MALT1: variants seen among roughly 807,000 people sequenced by gnomAD.
MALT1 encodes MALT1 paracaspase.
In MALT1, 36 loss-of-function variants were observed where a neutral mutation model predicts 85.5. The ratio of observed to expected loss-of-function variants is 0.42; its 90% CI spans 0.32 to 0.56. The LOEUF (loss-of-function observed/expected upper bound fraction) is 0.56, where lower values mean the gene tolerates loss of function less well. MALT1 is among the 20% of genes least tolerant of loss of function. The probability of loss-of-function intolerance (pLI) is 0.10; values close to 1 mark genes in which losing one functional copy is unlikely to be tolerated. For missense variants in MALT1, 716 were observed against 981.6 expected, an observed-to-expected ratio of 0.73 and a Z score of 3.62; for synonymous variants, 359 against 361.3, an observed-to-expected ratio of 0.99 and a Z score of 0.07.
Position 58,741,974 on chromosome 18 carries a change from TGAATCTCTTGTGCG to T in MALT1, c.1720_1733del (p.Leu574ThrfsTer7). 6.4e-7 allele frequency: 1 copy of T among 1,552,520 alleles called. No homozygotes were observed. The highest frequency in any genetic ancestry group is 8.8e-7 in the Non-Finnish European group (1 of 1,135,750). On this transcript the variant is annotated frameshift_variant, in exon 14 of 17. Coordinates refer to ENST00000649217, the MANE Select transcript of MALT1 (RefSeq NM_006785.4). LOFTEE classifies it high-confidence loss of function. ...CAATACAGGGAACAGAATATTCTGC[TGAATCTCTTGTGCG>T]GAATCTACAGTGGGCCAAGGCTCAT...
intron 13 of MALT1, among the ~76,000 whole-genome samples, chr18:58,738,066 A>G (rs1243173144): frequency 6.6e-6 from 1 of 152,208 alleles, no homozygotes; most frequent in African/African-American, 2.4e-5. Flanking sequence ...CGATATGAAT[A>G]TAGGACCTTG....
At chr18:58,723,612 G>A (rs1348097525) in intron 10 of MALT1, among the ~76,000 whole-genome samples, 1 of 151,956 alleles carries the variant, frequency 6.6e-6, no homozygotes, top group Non-Finnish European at 1.5e-5. Context: ...TTTTCTTTGA[G>A]GGGGGTAGCA....
intron 4 of MALT1, among the ~76,000 whole-genome samples, chr18:58,704,584 G>A (rs1460758176): frequency 6.6e-6 from 1 of 152,134 alleles, no homozygotes; most frequent in East Asian, 1.9e-4. Flanking sequence ...AGCCTCCTGA[G>A]TAACTGGGAC....
chr18:58,733,908 G>T, intron 11 of MALT1: 1 of 1,147,364 alleles, frequency 8.7e-7, no homozygotes, highest in Non-Finnish European at 1.1e-6. Flanking sequence ...CACCCATGGA[G>T]TTGGGATCTC....
At chr18:58,745,615 G>A (rs1258030892) in intron 15 of MALT1, 51 bp from the exon 16 acceptor site, 7 of 1,506,640 alleles carry the variant, frequency 4.6e-6, no homozygotes, top group East Asian at 2.3e-5. Context: ...AGATTATATT[G>A]TGGCTTTCAT....
chr18:58,697,699 G>A (rs1458910675), intron 3 of MALT1, among the ~76,000 whole-genome samples: 1 of 152,152 alleles, frequency 6.6e-6, no homozygotes, highest in Non-Finnish European at 1.5e-5. Flanking sequence ...AGAAATGTAG[G>A]GGATGGAAAA....
rs1381175210 is a variant in MALT1 at position 58,696,584 on chromosome 18, TA to T, written c.498+101del. The T allele has an allele frequency of 1.4e-5, 14 of 1,018,324 alleles. No individual in the cohort carries two copies. In the African/African-American group the frequency reaches 2.3e-4, roughly 17 times the overall value. 63.1% of individuals were successfully genotyped at this position (1,018,324 alleles called of 1,614,324 possible). A position where few individuals can be genotyped will look rare whatever the true frequency, so the allele number is the denominator to read the frequency against. ...CCTAAATGTAGTTTTAACAGTTTGG[TA>T]AAAGAGTCTGATAGACATTGCTAGG... On this transcript the variant is annotated intron_variant, in intron 3 of 16. Coordinates refer to ENST00000649217, the MANE Select transcript of MALT1 (RefSeq NM_006785.4).
Position 58,688,048 on chromosome 18 carries a change from C to T in MALT1, c.376+6712C>T, listed in dbSNP as rs111903567. ...CATTTGTATGCCTTCGTACAGCCTA[C>T]GTAGCACTATACCATATTCTTTTTT... On this transcript the variant is annotated intron_variant, in intron 2 of 16. Transcript: ENST00000649217. Among the ~76,000 whole-genome samples the T allele has an allele frequency of 7.2e-3, 1,093 of 152,298 alleles. 15 individuals carry two copies. The highest frequency in any genetic ancestry group is 0.025 in the African/African-American group (1,039 of 41,548).
chr18:58,735,874 A>G (rs2055215267), intron 13 of MALT1, among the ~76,000 whole-genome samples: 1 of 152,152 alleles, frequency 6.6e-6, no homozygotes, highest in African/African-American at 2.4e-5. Flanking sequence ...TTCCATTTCT[A>G]TCTGTTCTCC....
chr18:58,675,577 A>G (rs1184751634), intron 1 of MALT1: 1 of 152,210 alleles, frequency 6.6e-6, no homozygotes, highest in East Asian at 1.9e-4. Context: ...ATTATTATTG[A>G]AATTCATTCA....
At chr18:58,738,537 A>G (rs911641764) in intron 13 of MALT1, among the ~76,000 whole-genome samples, 2 of 152,172 alleles carry the variant, frequency 1.3e-5, no homozygotes, top group Non-Finnish European at 2.9e-5. Flanking sequence ...ATAGGGTGTG[A>G]CAGTATTCCA....
chr18:58,707,911 A>C (rs1308977778), intron 4 of MALT1, among the ~76,000 whole-genome samples: 1 of 152,134 alleles, frequency 6.6e-6, no homozygotes, highest in East Asian at 1.9e-4. Context: ...GAAGACTAGA[A>C]ATCTCTGTTT....
chr18:58,748,088 G>T lies in MALT1; in HGVS notation c.*246G>T, dbSNP rs1261736285. The stretch of plus-strand genomic sequence containing the variant: ...ACAAATGAAGTATGGAGGTGTGTAT[G>T]TTTATATGTATATAACAAAATATTT... On this transcript the variant is annotated 3_prime_UTR_variant, in exon 17 of 17. Transcript: ENST00000649217. 13 of 473,188 alleles carry T rather than the reference G, an allele frequency of 2.7e-5. No individual in the cohort carries two copies. Among genetic ancestry groups the T allele is most frequent in the Non-Finnish European group, 4.6e-5 (12 of 262,296 alleles). The allele number at this position is 473,188 out of a possible 1,614,324, so 29.3% of individuals were successfully genotyped here.
chr18:58,695,645 C>T (rs1568131263), intron 2 of MALT1, among the ~76,000 whole-genome samples: 1 of 152,194 alleles, frequency 6.6e-6, no homozygotes, highest in Non-Finnish European at 1.5e-5. Flanking sequence ...AAAGAACAGA[C>T]ATTTATTTCT....
At position 58,725,910 on chromosome 18, in the gene MALT1, A is replaced by C. The variant is rs1056686101; in HGVS notation, c.1222+2659A>C. Among the ~76,000 whole-genome samples, 6 of 152,220 alleles carry C rather than the reference A, an allele frequency of 3.9e-5. No individual in the cohort carries two copies. The East Asian group carries it at 1.2e-3, about 29-fold the overall frequency. On this transcript the variant is annotated intron_variant, in intron 10 of 16. Coordinates refer to ENST00000649217, the MANE Select transcript of MALT1 (RefSeq NM_006785.4). ...ACCCCGTCTCTACTAAAAGTACAAA[A>C]ATTAGCCCAGCGTGATGGTGGGCAC...
intron 4 of MALT1, among the ~76,000 whole-genome samples, chr18:58,707,672 CATTAACATATGAG>C (rs2054772974): frequency 6.6e-6 from 1 of 152,078 alleles, no homozygotes; most frequent in Non-Finnish European, 1.5e-5. Flanking sequence ...AGAAAAATAG[CATTAACATATGAG>C]ATTAACATAT....
intron 10 of MALT1, among the ~76,000 whole-genome samples, chr18:58,731,673 A>G (rs2055152263): frequency 6.6e-6 from 1 of 152,064 alleles, no homozygotes; most frequent in Non-Finnish European, 1.5e-5. Flanking sequence ...ATTCCTCTCT[A>G]CTTTACTCAT....
chr18:58,733,639 A>G, intron 11 of MALT1, 65 bp downstream of exon 11: 2 of 1,257,150 alleles, frequency 1.6e-6, no homozygotes, highest in East Asian at 2.3e-5. Flanking sequence ...AAACTAGAGA[A>G]ACCTGTGAAA....
chr18:58,671,687 C>T lies in MALT1; in HGVS notation c.44C>T (p.Ala15Val). The T allele has an allele frequency of 8.0e-7, 1 of 1,250,888 alleles. No homozygotes were observed. Among genetic ancestry groups the T allele is most frequent in the Non-Finnish European group, 1.0e-6 (1 of 999,382 alleles). The allele number at this position is 1,250,888 out of a possible 1,614,324, so 77.5% of individuals were successfully genotyped here. A position where few individuals can be genotyped will look rare whatever the true frequency, so the allele number is the denominator to read the frequency against. Residue 15 changes from alanine (A) to valine (V), a missense_variant, in exon 1 of 17, where the codon GCC becomes GTC. By Grantham distance (64) the Ala-to-Val change is moderately conservative (BLOSUM62 0). Transcript: ENST00000649217. The stretch of plus-strand genomic sequence containing the variant: ...CCGCTACAGGCCCTGCCGCCCTCGG[C>T]CGCCCCCACGGGGCCGCTGCTCGCC... Reference protein sequence around the residue: ...GDPLQALPPSAAPTGPLLAPP... With the variant: ...GDPLQALPPSVAPTGPLLAPP...
Sources: allele counts gnomAD v4.1 joint callset (sites outside exome capture counted in the v4.1 genomes callset), GRCh38; gene constraint gnomAD v4.1.1; transcripts MANE v1.5; gene names NCBI Gene and HGNC (gene_info 2026-07-23, HGNC 2026-07-21).